The following CSMD1 variants were observed in gnomAD, a reference collection of about 807,000 sequenced individuals.
CSMD1 encodes the protein CUB and Sushi multiple domains 1.
CSMD1 carries 213 observed loss-of-function variants against 417.5 expected under a neutral mutation model. The ratio of observed to expected loss-of-function variants is 0.51; its 90% CI spans 0.46 to 0.57. CSMD1 has a LOEUF of 0.57. Ranked by LOEUF, CSMD1 falls within the 20% of genes least tolerant of loss-of-function variation. CSMD1 has a pLI of 0.00. For missense variants in CSMD1, 6,923 were observed against 4,529.7 expected (o/e 1.53, Z -15.17); for synonymous variants, 2,862 against 1,736.8 (o/e 1.65, Z -16.11).
chr8:4,491,911 C>A (rs772878079), intron 2 of CSMD1, among the ~76,000 whole-genome samples: 58 of 151,978 alleles, frequency 3.8e-4, no homozygotes, highest in Non-Finnish European at 7.1e-4. Flanking sequence ...CACACAAAAT[C>A]TTTACAAAAT....
intron 2 of CSMD1, among the ~76,000 whole-genome samples, chr8:4,454,411 G>T (rs1201132780): frequency 6.6e-6 from 1 of 152,152 alleles, no homozygotes; most frequent in African/African-American, 2.4e-5. Context: ...ACCTCTAGGA[G>T]ATCTTCTTTG....
intron 12 of CSMD1, among the ~76,000 whole-genome samples, chr8:3,452,679 G>A (rs1355043551): frequency 6.6e-6 from 1 of 152,164 alleles, no homozygotes. Flanking sequence ...ACTTGATCAT[G>A]GTGGATAAGG....
chr8:3,081,206 G>T (rs911679290), intron 49 of CSMD1, among the ~76,000 whole-genome samples: 1 of 152,098 alleles, frequency 6.6e-6, no homozygotes, highest in Non-Finnish European at 1.5e-5. Flanking sequence ...TTTACTAAAA[G>T]GTACCTGTTG....
At chr8:4,629,642 T>G (rs369320413) in intron 2 of CSMD1, among the ~76,000 whole-genome samples, 65 of 152,194 alleles carry the variant, frequency 4.3e-4, no homozygotes, top group African/African-American at 1.5e-3. Flanking sequence ...TTACGTGTCC[T>G]GCCTAGAAAG....
intron 1 of CSMD1, among the ~76,000 whole-genome samples, chr8:4,988,040 C>T (rs1451757160): frequency 6.6e-6 from 1 of 152,126 alleles, no homozygotes; most frequent in Non-Finnish European, 1.5e-5. Context: ...TTAATAAACT[C>T]CCCTTTATAT....
intron 2 of CSMD1, among the ~76,000 whole-genome samples, chr8:4,487,169 CTTTT>C (rs1358528745): frequency 2.6e-5 from 4 of 151,964 alleles, no homozygotes; most frequent in Non-Finnish European, 4.4e-5. Flanking sequence ...AAGTTTCTTT[CTTTT>C]TTATTATTAT....
At chr8:3,827,383 C>G (rs1189755457) in intron 5 of CSMD1, among the ~76,000 whole-genome samples, 1 of 152,124 alleles carries the variant, frequency 6.6e-6, no homozygotes, top group African/African-American at 2.4e-5. Flanking sequence ...TCAGTACCAC[C>G]TGTACTTAGA....
chr8:4,942,731 C>T (rs956856792), intron 1 of CSMD1, among the ~76,000 whole-genome samples: 83 of 152,222 alleles, frequency 5.5e-4, no homozygotes, highest in African/African-American at 1.9e-3. Flanking sequence ...AATCCAATAC[C>T]GACCTTCATC....
intron 1 of CSMD1, among the ~76,000 whole-genome samples, chr8:4,846,806 T>A (rs1353675313): frequency 6.6e-6 from 1 of 152,318 alleles, no homozygotes; most frequent in Non-Finnish European, 1.5e-5. Flanking sequence ...AGCAAATGTG[T>A]TTGCAAAACT....
intron 3 of CSMD1, among the ~76,000 whole-genome samples, chr8:4,354,629 C>G (rs1471424999): frequency 6.6e-6 from 1 of 152,048 alleles, no homozygotes; most frequent in Non-Finnish European, 1.5e-5. Flanking sequence ...AACGTGTCTA[C>G]TCAAAAAATA....
chr8:4,517,347 T>C (rs6558889), intron 2 of CSMD1, among the ~76,000 whole-genome samples: 150,374 of 152,308 alleles, frequency 0.99, 74,256 homozygotes, highest in East Asian at 1. Flanking sequence ...CAGTTGCTAA[T>C]TTGCTGTCAG....
In CSMD1 at chr8:4,636,253, A is replaced by T. The variant is rs183087808; in HGVS notation, c.302+1089T>A. Among the ~76,000 whole-genome samples, 10 of 152,258 alleles carry T rather than the reference A, an allele frequency of 6.6e-5. No individual in the cohort carries two copies. The East Asian group carries it at 1.9e-3, about 29-fold the overall frequency. On this transcript the variant is annotated intron_variant, in intron 2 of 69. Coordinates refer to ENST00000635120, the MANE Select transcript of CSMD1 (RefSeq NM_033225.6). Reference sequence around the variant, plus strand: ...AGGGATATTCCTTCTTCCTTTGCCAAATTGAAAACAAAAAGTAGATACAGA... The same window carrying T: ...AGGGATATTCCTTCTTCCTTTGCCATATTGAAAACAAAAAGTAGATACAGA...
chr8:4,584,650 C>G (rs890646363), intron 2 of CSMD1, among the ~76,000 whole-genome samples: 3 of 152,146 alleles, frequency 2.0e-5, no homozygotes, highest in South Asian at 2.1e-4. Flanking sequence ...GTTGGTTGAC[C>G]CTGTGGCCAT....
intron 3 of CSMD1, among the ~76,000 whole-genome samples, chr8:4,064,846 T>C (rs984370837): frequency 1.3e-5 from 2 of 152,156 alleles, no homozygotes; most frequent in African/African-American, 4.8e-5. Context: ...TAATGTGATG[T>C]AAGTGTACTG....
At chr8:4,827,420 A>T (rs1021067921) in intron 1 of CSMD1, among the ~76,000 whole-genome samples, 3 of 152,156 alleles carry the variant, frequency 2.0e-5, no homozygotes, top group African/African-American at 7.2e-5. Flanking sequence ...ATGAAGAGAA[A>T]AGCTCGACAG....
chr8:3,176,577 T>A (rs187712940), intron 37 of CSMD1, among the ~76,000 whole-genome samples: 49 of 152,256 alleles, frequency 3.2e-4, no homozygotes, highest in African/African-American at 1.1e-3. Context: ...GATCCTTACA[T>A]TGTAAAACCC....
intron 2 of CSMD1, among the ~76,000 whole-genome samples, chr8:4,503,550 G>T (rs1362438367): frequency 2.0e-5 from 3 of 152,122 alleles, no homozygotes; most frequent in Non-Finnish European, 4.4e-5. Context: ...AAATGATTTT[G>T]TCAAATGGAT....
chr8:4,204,469 C>T (rs887658649), intron 3 of CSMD1, among the ~76,000 whole-genome samples: 5 of 152,260 alleles, frequency 3.3e-5, no homozygotes, highest in Middle Eastern at 3.4e-3. Context: ...GAGATTTTGT[C>T]AGCACTTTCT....
In CSMD1 at chr8:2,966,624, T is replaced by C. The variant is rs1000176854; in HGVS notation, c.9046A>G (p.Thr3016Ala). The C allele has an allele frequency of 1.2e-6, 2 of 1,613,664 alleles. No homozygotes were observed. Among genetic ancestry groups the C allele is most frequent in the African/African-American group, 2.7e-5 (2 of 74,912 alleles). ...GTCCCATTGGCTGTGCAATGCCGTG[T>C]CATGAGCCCTGAGGTCTTGTAGCCT... ...WEGYKTSGLMTRHCTANGTWT... is the reference protein window; with the variant it reads ...WEGYKTSGLMARHCTANGTWT... The change falls in exon 58 of 70, where the codon ACA becomes GCA. Residue 3016 changes from threonine (T) to alanine (A), a missense_variant. Thr to Ala is a moderately conservative substitution (Grantham distance 58, BLOSUM62 0). Coordinates refer to ENST00000635120, the MANE Select transcript of CSMD1 (RefSeq NM_033225.6).
Sources: allele counts gnomAD v4.1 joint callset (sites outside exome capture counted in the v4.1 genomes callset), GRCh38; gene constraint gnomAD v4.1.1; transcripts MANE v1.5; gene names NCBI Gene and HGNC (gene_info 2026-07-23, HGNC 2026-07-21).